RNF130: variants seen among roughly 807,000 people sequenced by gnomAD.
RNF130 encodes E3 ubiquitin-protein ligase RNF130.
RNF130 carries 21 observed loss-of-function variants against 44.6 expected under a neutral mutation model. The ratio of observed to expected loss-of-function variants is 0.47; its 90% CI spans 0.33 to 0.68. The LOEUF is 0.68. RNF130 is among the 30% of genes least tolerant of loss of function. RNF130 has a pLI of 0.02. For missense variants in RNF130, 479 were observed against 560.6 expected, an observed-to-expected ratio of 0.85 and a Z score of 1.47; for synonymous variants, 214 against 210.4, an observed-to-expected ratio of 1.02 and a Z score of -0.15.
intron 2 of RNF130, among the ~76,000 whole-genome samples, chr5:180,029,158 C>A (rs1057377689): frequency 2.0e-5 from 3 of 152,000 alleles, no homozygotes; most frequent in Non-Finnish European, 4.4e-5. Context: ...CTATATCATC[C>A]AACTAAAACA....
At chr5:180,055,248 C>CAAAAAAAAAAAA (rs1205914690) in intron 1 of RNF130, among the ~76,000 whole-genome samples, 21 of 20,932 alleles carry the variant, frequency 1.0e-3, no homozygotes, top group Admixed American at 2.2e-3. Context: ...GGTTCTGTCT[C>CAAAAAAAAAAAA]AAAAAAAAAA....
At chr5:180,016,199 G>T (rs186835850) in intron 2 of RNF130, among the ~76,000 whole-genome samples, 2 of 151,972 alleles carry the variant, frequency 1.3e-5, no homozygotes, top group Non-Finnish European at 2.9e-5. Context: ...AGAATCTGGC[G>T]AAAGTTATAT....
chr5:180,023,443 T>C (rs750576633), intron 2 of RNF130, among the ~76,000 whole-genome samples: 1 of 152,098 alleles, frequency 6.6e-6, no homozygotes, highest in Non-Finnish European at 1.5e-5. Context: ...CTGATAAAGT[T>C]CAATAATGCT....
Position 179,968,812 on chromosome 5 carries a change from C to T in RNF130, c.945+1598G>A, listed in dbSNP as rs750328445. On this transcript the variant is annotated intron_variant, in intron 6 of 8. Coordinates refer to ENST00000521389, the MANE Select transcript of RNF130 (RefSeq NM_018434.6). ...AACGTCTGGAGACATTTCTGACTGT[C>T]GTGGCTGTGGTGCCATGCTACTAGC... 7.2e-5 allele frequency among the ~76,000 whole-genome samples: 11 copies of T among 152,262 alleles called. 1 individual carries two copies. In the South Asian group the frequency reaches 1.7e-3, roughly 23 times the overall value.
intron 3 of RNF130, among the ~76,000 whole-genome samples, chr5:180,011,708 A>C (rs1261327614): frequency 6.6e-6 from 1 of 152,128 alleles, no homozygotes; most frequent in African/African-American, 2.4e-5. Flanking sequence ...TGGAGGCTGC[A>C]GTGAGCCATG....
At chr5:180,046,143 A>AG (rs1764561114) in intron 1 of RNF130, among the ~76,000 whole-genome samples, 1 of 152,272 alleles carries the variant, frequency 6.6e-6, no homozygotes, top group South Asian at 2.1e-4. Flanking sequence ...GCAGGCCCAC[A>AG]GTGCTGAGGG....
chr5:179,940,288 TC>T lies in RNF130; in HGVS notation c.1151-19863del, dbSNP rs1228484206. Among the ~76,000 whole-genome samples, 28 of 151,948 alleles carry T rather than the reference TC, an allele frequency of 1.8e-4. 1 individual carries two copies. Among genetic ancestry groups the T allele is most frequent in the Middle Eastern group, 3.4e-3 (1 of 294 alleles). ...CTGTCACCCAGGCTGGGGTGCGATCTCGGCTCACTGCAACTTCCGCTTCCCA... is the reference window on the plus strand; with the variant it reads ...CTGTCACCCAGGCTGGGGTGCGATCTGGCTCACTGCAACTTCCGCTTCCCA... On this transcript the variant is annotated intron_variant, in intron 7 of 7. Transcript: ENST00000522208.
At chr5:180,026,777 T>C (rs187941681) in intron 2 of RNF130, among the ~76,000 whole-genome samples, 2 of 152,310 alleles carry the variant, frequency 1.3e-5, no homozygotes, top group East Asian at 1.9e-4. Flanking sequence ...AATAACTTAA[T>C]AAAATCATTT....
exon 8 of RNF130, chr5:179,918,062 G>C (rs1208987147): frequency 6.6e-6 from 1 of 152,160 alleles, no homozygotes; most frequent in Non-Finnish European, 1.5e-5. Context: ...CTCTGTTCCT[G>C]AAGAGCATGG....
intron 7 of RNF130, among the ~76,000 whole-genome samples, chr5:179,937,154 C>T (rs1399222443): frequency 1.3e-5 from 2 of 152,122 alleles, no homozygotes; most frequent in Non-Finnish European, 1.5e-5. Flanking sequence ...ATCATCAAAA[C>T]GAAATATCAT....
chr5:180,031,984 G>C (rs184845608), intron 2 of RNF130, among the ~76,000 whole-genome samples: 131 of 152,270 alleles, frequency 8.6e-4, no homozygotes, highest in African/African-American at 3.0e-3. Context: ...TTGCACTGTT[G>C]TTTTGATTGC....
intron 1 of RNF130, among the ~76,000 whole-genome samples, chr5:180,054,096 G>C (rs928577457): frequency 6.6e-6 from 1 of 152,106 alleles, no homozygotes; most frequent in Non-Finnish European, 1.5e-5. Context: ...TTACAGGTGT[G>C]AGCCCCTGCG....
intron 1 of RNF130, among the ~76,000 whole-genome samples, chr5:180,043,602 T>C (rs1764478589): frequency 6.6e-6 from 1 of 152,134 alleles, no homozygotes; most frequent in Non-Finnish European, 1.5e-5. Flanking sequence ...ATATTCATAA[T>C]ATTCTAAGAA....
intron 5 of RNF130, among the ~76,000 whole-genome samples, chr5:179,972,328 C>T (rs1340615177): frequency 6.6e-6 from 1 of 152,198 alleles, no homozygotes; most frequent in Non-Finnish European, 1.5e-5. Flanking sequence ...TGCCTAGTAC[C>T]TTGCATACAT....
At chr5:179,946,150 A>G (rs1337015567) in intron 7 of RNF130, among the ~76,000 whole-genome samples, 8 of 152,312 alleles carry the variant, frequency 5.3e-5, no homozygotes, top group Admixed American at 3.9e-4. Flanking sequence ...AACCCCCTAC[A>G]GTTACGGTAA....
intron 7 of RNF130, chr5:179,920,434 A>C: frequency 1.4e-6 from 1 of 702,202 alleles, no homozygotes; most frequent in South Asian, 1.5e-5. Flanking sequence ...CACCTGGAAA[A>C]GGAAGAAGAG....
intron 5 of RNF130, among the ~76,000 whole-genome samples, chr5:179,974,230 G>A (rs1396394198): frequency 2.0e-5 from 3 of 152,218 alleles, no homozygotes; most frequent in Admixed American, 1.3e-4. Context: ...GACATCTGCA[G>A]CGGCCGGCCC....
intron 2 of RNF130, among the ~76,000 whole-genome samples, chr5:180,035,623 G>T (rs1764232216): frequency 6.6e-6 from 1 of 152,198 alleles, no homozygotes; most frequent in African/African-American, 2.4e-5. Flanking sequence ...TATAATGATT[G>T]AAATGTCTGT....
chr5:179,972,573 G>A (rs1719816715), intron 5 of RNF130, among the ~76,000 whole-genome samples: 1 of 152,022 alleles, frequency 6.6e-6, no homozygotes, highest in Admixed American at 6.6e-5. Flanking sequence ...CTCTGGTGCA[G>A]GAGTGAGAGG....
Sources: gnomAD v4.1 joint callset for allele counts (sites outside exome capture counted in the v4.1 genomes callset) on GRCh38, gnomAD v4.1.1 for gene constraint, MANE v1.5 for transcripts, NCBI Gene and HGNC (gene_info 2026-07-23, HGNC 2026-07-21) for gene names.